The following BCAS3 variants were observed in gnomAD, a reference collection of about 807,000 sequenced individuals.
BCAS3 encodes the protein BCAS3 microtubule associated cell migration factor.
In BCAS3, 53 loss-of-function variants were observed where a neutral mutation model predicts 116.1. The observed-to-expected ratio is 0.46, with a 90% CI of 0.37 to 0.57. BCAS3 has a LOEUF of 0.57. Among genes scored for constraint, BCAS3 ranks in the 20% least tolerant of loss-of-function variants. BCAS3 has a pLI of 0.00. For missense variants in BCAS3, 917 were observed against 1,165.4 expected (o/e 0.79, Z 3.10); for synonymous variants, 391 against 408.2 (o/e 0.96, Z 0.51).
chr17:60,810,146 A>T (rs1247410218), intron 7 of BCAS3: 1 of 382,394 alleles, frequency 2.6e-6, no homozygotes, highest in East Asian at 7.0e-5. Context: ...CTGTCCTCTC[A>T]CTCTCCCCAC....
chr17:61,380,566 GT>G lies in BCAS3; in HGVS notation c.2594-11407del. Reference sequence around the variant, plus strand: ...CCTGAGAGACACGTGGCAGTGAAGTGTTTTGGTATGTAACGTCCTATCTTTG... The same window carrying G: ...CCTGAGAGACACGTGGCAGTGAAGTGTTTGGTATGTAACGTCCTATCTTTG... On this transcript the variant is annotated intron_variant, in intron 23 of 23. Coordinates refer to ENST00000407086, the MANE Select transcript of BCAS3 (RefSeq NM_017679.5). This position sits in a 1 kb window ranked among gnomAD's most constrained non-coding sequence, Gnocchi z 4.2. The G allele has an allele frequency of 1.3e-6, 2 of 1,597,826 alleles. No homozygotes were observed. Among genetic ancestry groups the G allele is most frequent in the Non-Finnish European group, 8.5e-7 (1 of 1,179,270 alleles).
At chr17:60,908,719 A>AACTGT (rs2058326104) in intron 11 of BCAS3, among the ~76,000 whole-genome samples, 2 of 152,206 alleles carry the variant, frequency 1.3e-5, no homozygotes, top group African/African-American at 4.8e-5. Context: ...TTTAGCACTA[A>AACTGT]ACAAAACAGT....
rs1290206629 is a variant in BCAS3 at position 61,013,266 on chromosome 17, C to A, written c.1487-2485C>A. On this transcript the variant is annotated intron_variant, in intron 15 of 23. Coordinates refer to ENST00000407086, the MANE Select transcript of BCAS3 (RefSeq NM_017679.5). The surrounding 1 kb of genome is among the most constrained non-coding windows in gnomAD (Gnocchi z 4.4). ...TGATAACAAGGAAAACAGTCCCTTA[C>A]AGTGTTATCTTAAGCTAAGGCACTC... Among the ~76,000 whole-genome samples, 1 of 152,058 alleles carries A rather than the reference C, an allele frequency of 6.6e-6. No homozygotes were observed. Among genetic ancestry groups the A allele is most frequent in the African/African-American group, 2.4e-5 (1 of 41,432 alleles).
At chr17:60,854,833 T>C (rs1567718334) in intron 7 of BCAS3, among the ~76,000 whole-genome samples, 2 of 152,194 alleles carry the variant, frequency 1.3e-5, no homozygotes, top group Non-Finnish European at 2.9e-5. Flanking sequence ...CAGCTTTATT[T>C]ATAATTGCCA....
At chr17:61,277,368 A>G (rs1013879526) in intron 22 of BCAS3, among the ~76,000 whole-genome samples, 1 of 152,100 alleles carries the variant, frequency 6.6e-6, no homozygotes, top group South Asian at 2.1e-4. Flanking sequence ...AAAGACCTAA[A>G]TGTAAGAGGT....
At position 61,134,604 on chromosome 17, in the gene BCAS3, C is replaced by CA. The variant is rs2076520743; in HGVS notation, c.2425+50041dup. On this transcript the variant is annotated intron_variant, in intron 22 of 23. Coordinates refer to ENST00000407086, the MANE Select transcript of BCAS3 (RefSeq NM_017679.5). This position sits in a 1 kb window ranked among gnomAD's most constrained non-coding sequence, Gnocchi z 4.6. ...TCGAGAGAACTGTGTTATGGTGGGA[C>CA]ATTTAGAGACAAACTGAAATGGTGA... Among the ~76,000 whole-genome samples the CA allele has an allele frequency of 6.6e-6, 1 of 152,152 alleles. No homozygotes were observed. The highest frequency in any genetic ancestry group is 2.4e-5 in the African/African-American group (1 of 41,428).
At chr17:60,776,113 A>T (rs1349558725) in intron 6 of BCAS3, among the ~76,000 whole-genome samples, 2 of 152,236 alleles carry the variant, frequency 1.3e-5, no homozygotes, top group Non-Finnish European at 2.9e-5. Context: ...TGGGAAATAC[A>T]TACAGTATTT....
intron 22 of BCAS3, among the ~76,000 whole-genome samples, chr17:61,264,425 TAGAG>T (rs1404893297): frequency 2.0e-5 from 3 of 151,444 alleles, no homozygotes; most frequent in Admixed American, 6.6e-5. Flanking sequence ...TTTTTTTTTT[TAGAG>T]AGAGAGTCTC....
chr17:60,777,016 C>CA (rs58245869), intron 6 of BCAS3, among the ~76,000 whole-genome samples: 23,703 of 78,268 alleles, frequency 0.3, 4,375 homozygotes, highest in African/African-American at 0.52. Context: ...AACTCCATCT[C>CA]AAAAAAAAAA....
intron 19 of BCAS3, among the ~76,000 whole-genome samples, chr17:61,053,538 C>G (rs1290765157): frequency 6.6e-6 from 1 of 152,206 alleles, no homozygotes; most frequent in Non-Finnish European, 1.5e-5. Flanking sequence ...AAATATGCAG[C>G]AATTTTCTTA....
intron 22 of BCAS3, among the ~76,000 whole-genome samples, chr17:61,303,908 T>C (rs1402254067): frequency 1.3e-5 from 2 of 152,220 alleles, no homozygotes; most frequent in African/African-American, 4.8e-5. Flanking sequence ...GAGAGATAGA[T>C]GAAGAGTAGG....
Position 61,149,346 on chromosome 17 carries a change from G to A in BCAS3, c.2425+64782G>A, listed in dbSNP as rs188702658. Among the ~76,000 whole-genome samples, 39 of 152,098 alleles carry A rather than the reference G, an allele frequency of 2.6e-4. 1 individual carries two copies. The East Asian group carries it at 7.3e-3, about 29-fold the overall frequency. On this transcript the variant is annotated intron_variant, in intron 22 of 23. Transcript: ENST00000407086. ...AAATTGCGAAATACTTAGGCAAGAAGATTATTCGAGAAGAATTGTATTGCT... is the reference window on the plus strand; with the variant it reads ...AAATTGCGAAATACTTAGGCAAGAAAATTATTCGAGAAGAATTGTATTGCT...
chr17:61,084,614 A>T lies in BCAS3; in HGVS notation c.2425+50A>T. ...TATTGGGCAGTCCTGTGCATTTTTAACTAATTTTCTCGCACAATGTAGAGG... is the reference window on the plus strand; with the variant it reads ...TATTGGGCAGTCCTGTGCATTTTTATCTAATTTTCTCGCACAATGTAGAGG... On this transcript the variant is annotated intron_variant, in intron 22 of 23. Transcript: ENST00000407086. The surrounding 1 kb of genome is among the most constrained non-coding windows in gnomAD (Gnocchi z 5.5). The T allele has an allele frequency of 6.9e-7, 1 of 1,458,644 alleles. No homozygotes were observed. Among genetic ancestry groups the T allele is most frequent in the Non-Finnish European group, 9.6e-7 (1 of 1,042,708 alleles). The allele number at this position is 1,458,644 out of a possible 1,614,324, so 90.4% of individuals were successfully genotyped here.
At chr17:61,039,790 C>A (rs571279186) in intron 18 of BCAS3, among the ~76,000 whole-genome samples, 1 of 152,294 alleles carries the variant, frequency 6.6e-6, no homozygotes, top group African/African-American at 2.4e-5. Context: ...TTATTTCCCC[C>A]TTGCACTTCT....
At chr17:61,360,922 C>T (rs1350616400) in intron 22 of BCAS3, among the ~76,000 whole-genome samples, 1 of 152,202 alleles carries the variant, frequency 6.6e-6, no homozygotes, top group Non-Finnish European at 1.5e-5. Flanking sequence ...AGGTCTTCTG[C>T]TTAACATATG....
rs1285477928 is a variant in BCAS3 at position 61,366,544 on chromosome 17, C to T, written c.2426-1783C>T. On this transcript the variant is annotated intron_variant, in intron 22 of 23. Coordinates refer to ENST00000407086, the MANE Select transcript of BCAS3 (RefSeq NM_017679.5). The surrounding 1 kb of genome is among the most constrained non-coding windows in gnomAD (Gnocchi z 4.5). ...TGAGCTTGGCACTGCCAGTGCACAGCTCTAGCACAGTTCAGGCCTTGGGAG... is the reference window on the plus strand; with the variant it reads ...TGAGCTTGGCACTGCCAGTGCACAGTTCTAGCACAGTTCAGGCCTTGGGAG... Among the ~76,000 whole-genome samples, 1 of 152,194 alleles carries T rather than the reference C, an allele frequency of 6.6e-6. No homozygotes were observed. Among genetic ancestry groups the T allele is most frequent in the Non-Finnish European group, 1.5e-5 (1 of 68,036 alleles).
At chr17:60,737,680 A>G (rs1455506051) in intron 5 of BCAS3, among the ~76,000 whole-genome samples, 1 of 151,702 alleles carries the variant, frequency 6.6e-6, no homozygotes, top group Non-Finnish European at 1.5e-5. Flanking sequence ...ATGTTGTTTA[A>G]TCTTCAAATA....
intron 7 of BCAS3, among the ~76,000 whole-genome samples, chr17:60,852,529 A>G (rs1217086808): frequency 2.0e-5 from 3 of 152,212 alleles, no homozygotes; most frequent in Admixed American, 1.3e-4. Flanking sequence ...GAATAACTTT[A>G]AAAAAGAATT....
At chr17:60,731,860 C>T (rs1438953299) in intron 5 of BCAS3, among the ~76,000 whole-genome samples, 1 of 150,544 alleles carries the variant, frequency 6.6e-6, no homozygotes, top group Non-Finnish European at 1.5e-5. Flanking sequence ...CTCACTGCAA[C>T]CACCGCCTTC....
Sources: allele counts gnomAD v4.1 joint callset (sites outside exome capture counted in the v4.1 genomes callset), GRCh38; gene constraint gnomAD v4.1.1; non-coding constraint Gnocchi (gnomAD v3.1); transcripts MANE v1.5; gene names NCBI Gene and HGNC (gene_info 2026-07-23, HGNC 2026-07-21).